PIK3C2G: variants seen among roughly 807,000 people sequenced by gnomAD.
The protein encoded by PIK3C2G is phosphatidylinositol 3-kinase C2 domain-containing subunit gamma.
Under a neutral mutation model 181.1 loss-of-function variants are expected in PIK3C2G, and 168 were observed. The observed-to-expected ratio is 0.93, with a 90% CI of 0.82 to 1.05. PIK3C2G has a LOEUF of 1.05. Ranked by LOEUF, PIK3C2G falls within the 50% of genes least tolerant of loss-of-function variation. PIK3C2G has a pLI of 0.00. For missense variants in PIK3C2G, 1,869 were observed against 1,732.8 expected (o/e 1.08, Z -1.40); for synonymous variants, 573 against 592.2 (o/e 0.97, Z 0.47).
intron 11 of PIK3C2G, among the ~76,000 whole-genome samples, chr12:18,357,180 G>A (rs1940820698): frequency 6.6e-6 from 1 of 152,086 alleles, no homozygotes; most frequent in African/African-American, 2.4e-5. Flanking sequence ...TTAGATATGT[G>A]GGAAAATTTG....
intron 24 of PIK3C2G, among the ~76,000 whole-genome samples, chr12:18,519,706 G>C (rs967035812): frequency 6.0e-5 from 9 of 151,190 alleles, no homozygotes; most frequent in African/African-American, 1.9e-4. Flanking sequence ...GGGACATTTA[G>C]CCCATTTACA....
the PIK3C2G span, among the ~76,000 whole-genome samples, chr12:18,679,147 A>G: frequency 6.6e-6 from 1 of 152,010 alleles, no homozygotes; most frequent in African/African-American, 2.4e-5. Flanking sequence ...TGCCTGTTCA[A>G]ATATTTTGCC....
chr12:18,712,361 A>C, the PIK3C2G span, among the ~76,000 whole-genome samples: 5 of 152,180 alleles, frequency 3.3e-5, no homozygotes, highest in Non-Finnish European at 7.4e-5. Context: ...AATCTGTAAT[A>C]AATTAAACAT....
chr12:18,406,695 A>G (rs1158854119), intron 16 of PIK3C2G, among the ~76,000 whole-genome samples: 1 of 152,214 alleles, frequency 6.6e-6, no homozygotes, highest in African/African-American at 2.4e-5. Context: ...AACAGCCAAC[A>G]GCCTGGAACA....
At chr12:18,606,988 G>C (rs971635280) in intron 30 of PIK3C2G, among the ~76,000 whole-genome samples, 1 of 152,094 alleles carries the variant, frequency 6.6e-6, no homozygotes, top group Non-Finnish European at 1.5e-5. Flanking sequence ...ACATTATGGA[G>C]TAAGCATTGG....
intron 25 of PIK3C2G, among the ~76,000 whole-genome samples, chr12:18,542,953 G>A (rs892122882): frequency 2.6e-5 from 4 of 151,912 alleles, no homozygotes; most frequent in African/African-American, 9.7e-5. Flanking sequence ...TTAGCTCTTT[G>A]AGGAATCACC....
the PIK3C2G span, among the ~76,000 whole-genome samples, chr12:18,687,182 T>C: frequency 5.3e-5 from 8 of 152,124 alleles, no homozygotes; most frequent in Non-Finnish European, 1.0e-4. Flanking sequence ...CAAATCTTTT[T>C]CCATGACTTT....
chr12:18,290,568 A>G (rs1353264364), intron 3 of PIK3C2G, among the ~76,000 whole-genome samples: 1 of 152,212 alleles, frequency 6.6e-6, no homozygotes, highest in Non-Finnish European at 1.5e-5. Context: ...GTGAATCCTC[A>G]CGTTTCATGT....
At chr12:18,333,145 A>G (rs1027223350) in intron 8 of PIK3C2G, among the ~76,000 whole-genome samples, 4 of 152,098 alleles carry the variant, frequency 2.6e-5, no homozygotes, top group Non-Finnish European at 5.9e-5. Context: ...CTCTCTTTGG[A>G]GCAGTTTTCA....
At chr12:18,526,791 C>T (rs978978562) in intron 24 of PIK3C2G, among the ~76,000 whole-genome samples, 6 of 152,092 alleles carry the variant, frequency 3.9e-5, no homozygotes, top group African/African-American at 9.7e-5. Context: ...CTTACTCACA[C>T]GGACCATTTC....
intron 24 of PIK3C2G, among the ~76,000 whole-genome samples, chr12:18,517,362 G>A (rs1455776612): frequency 1.1e-4 from 17 of 152,152 alleles, no homozygotes; most frequent in Non-Finnish European, 7.4e-5. Flanking sequence ...TTCTATCCAT[G>A]AGGATGGGAT....
chr12:18,703,000 C>A, the PIK3C2G span, among the ~76,000 whole-genome samples: 1 of 151,734 alleles, frequency 6.6e-6, no homozygotes, highest in Non-Finnish European at 1.5e-5. Context: ...TTGAAAAGCA[C>A]CTCCCTGCTT....
intron 15 of PIK3C2G, among the ~76,000 whole-genome samples, chr12:18,397,571 G>A (rs145455164): frequency 6.6e-6 from 1 of 152,142 alleles, no homozygotes; most frequent in Non-Finnish European, 1.5e-5. Flanking sequence ...AGCACAATGA[G>A]ATACCACTAT....
the PIK3C2G span, among the ~76,000 whole-genome samples, chr12:18,718,681 A>G: frequency 4.6e-5 from 7 of 152,164 alleles, no homozygotes; most frequent in Non-Finnish European, 5.9e-5. Flanking sequence ...CTTTACCCTA[A>G]GTAACACCCT....
At chr12:18,613,829 G>A (rs1948465423) in intron 31 of PIK3C2G, among the ~76,000 whole-genome samples, 1 of 152,052 alleles carries the variant, frequency 6.6e-6, no homozygotes, top group South Asian at 2.1e-4. Context: ...TACACACAAT[G>A]TGGTGAGTTC....
the PIK3C2G span, among the ~76,000 whole-genome samples, chr12:18,726,079 A>C: frequency 1.3e-5 from 2 of 152,164 alleles, no homozygotes; most frequent in Non-Finnish European, 2.9e-5. Context: ...GAAGATATTC[A>C]GAGTGTGGCC....
At chr12:18,326,806 A>G (rs1951365948) in intron 8 of PIK3C2G, among the ~76,000 whole-genome samples, 1 of 152,080 alleles carries the variant, frequency 6.6e-6, no homozygotes, top group Non-Finnish European at 1.5e-5. Context: ...TTCCTAGAGT[A>G]TTTTTGTCTC....
chr12:18,575,615 A>C (rs879709663), intron 29 of PIK3C2G, among the ~76,000 whole-genome samples: 4 of 152,106 alleles, frequency 2.6e-5, no homozygotes, highest in Admixed American at 2.6e-4. Context: ...GCACCTAAGG[A>C]GGTGTACTCA....
chr12:18,539,637 C>A (rs1404483202), intron 25 of PIK3C2G, among the ~76,000 whole-genome samples: 2 of 151,890 alleles, frequency 1.3e-5, no homozygotes, highest in Non-Finnish European at 2.9e-5. Flanking sequence ...TAGGAAACTT[C>A]CATCACCACA....
Sources: gnomAD v4.1 joint callset for allele counts (sites outside exome capture counted in the v4.1 genomes callset) on GRCh38, gnomAD v4.1.1 for gene constraint, MANE v1.5 for transcripts, NCBI Gene and HGNC (gene_info 2026-07-23, HGNC 2026-07-21) for gene names.